CEP112: variants seen among roughly 807,000 people sequenced by gnomAD.
CEP112 encodes the protein centrosomal protein of 112 kDa.
CEP112 carries 127 observed loss-of-function variants against 153.0 expected under a neutral mutation model. The observed-to-expected ratio is 0.83, with a 90% CI of 0.72 to 0.96. The LOEUF (loss-of-function observed/expected upper bound fraction) is 0.96, where lower values mean the gene tolerates loss of function less well. Ranked by LOEUF, CEP112 falls within the 40% of genes least tolerant of loss-of-function variation. The pLI, the probability that CEP112 is intolerant of heterozygous loss-of-function variation, is 0.00. For missense variants in CEP112, 1,089 were observed against 1,101.2 expected (o/e 0.99, Z 0.16); for synonymous variants, 358 against 374.4 (o/e 0.96, Z 0.51).
At chr17:65,994,497 ATTG>A (rs890138788) in intron 17 of CEP112, among the ~76,000 whole-genome samples, 8 of 152,104 alleles carry the variant, frequency 5.3e-5, no homozygotes, top group South Asian at 2.1e-4. Context: ...GCCAGCTAAT[ATTG>A]TTGTTGTTTT....
intron 20 of CEP112, among the ~76,000 whole-genome samples, chr17:65,872,519 A>G (rs1422570418): frequency 6.6e-6 from 1 of 152,184 alleles, no homozygotes; most frequent in Non-Finnish European, 1.5e-5. Flanking sequence ...AATTTAAGAA[A>G]ACTTATTCAT....
At chr17:66,060,750 T>C (rs994795917) in intron 11 of CEP112, among the ~76,000 whole-genome samples, 1 of 151,764 alleles carries the variant, frequency 6.6e-6, no homozygotes, top group Non-Finnish European at 1.5e-5. Flanking sequence ...TACACAAAAA[T>C]CGACGCAAAA....
chr17:65,868,655 A>G (rs2146472733), intron 20 of CEP112, among the ~76,000 whole-genome samples: 1 of 152,324 alleles, frequency 6.6e-6, no homozygotes, highest in South Asian at 2.1e-4. Context: ...TTGTATCAGT[A>G]AAAAAGAATA....
intron 23 of CEP112, among the ~76,000 whole-genome samples, chr17:65,710,633 C>T (rs1267244694): frequency 1.3e-5 from 2 of 152,146 alleles, no homozygotes; most frequent in African/African-American, 2.4e-5. Flanking sequence ...CAGATACTTT[C>T]GTCACAAACC....
chr17:65,778,782 C>A (rs904882066), intron 21 of CEP112, among the ~76,000 whole-genome samples: 4 of 151,960 alleles, frequency 2.6e-5, no homozygotes, highest in African/African-American at 9.7e-5. Flanking sequence ...GTTATTTCTT[C>A]TAAGTGGAGA....
intron 4 of CEP112, among the ~76,000 whole-genome samples, chr17:66,139,025 A>G (rs2146594963): frequency 6.6e-6 from 1 of 152,172 alleles, no homozygotes; most frequent in East Asian, 1.9e-4. Context: ...TTATATTAAA[A>G]AAGAAAAAAA....
intron 9 of CEP112, among the ~76,000 whole-genome samples, chr17:66,069,139 G>A (rs917922345): frequency 6.6e-6 from 1 of 151,940 alleles, no homozygotes; most frequent in East Asian, 1.9e-4. Context: ...TCCTGATGCT[G>A]TAACTACTGC....
rs938015823 is a variant in CEP112, at chr17:65,975,862, T to A, written c.1737-14264A>T. ...CATGTGGAAAAGAAAGGTGATTATC[T>A]CCAGGGAAGGAGAGAGAAAAAACCC... On this transcript the variant is annotated intron_variant, in intron 17 of 26. Coordinates refer to ENST00000535342, the MANE Select transcript of CEP112 (RefSeq NM_001199165.4). 2.6e-5 allele frequency among the ~76,000 whole-genome samples: 4 copies of A among 152,170 alleles called. No individual in the cohort carries two copies. In the South Asian group the frequency reaches 8.3e-4, roughly 31 times the overall value.
At chr17:65,813,710 A>G (rs546673297) in intron 21 of CEP112, among the ~76,000 whole-genome samples, 1 of 152,346 alleles carries the variant, frequency 6.6e-6, no homozygotes, top group Admixed American at 6.5e-5. Context: ...TGCTTTACAC[A>G]TGGAAAGCAC....
chr17:65,642,591 C>T (rs548221485), intron 24 of CEP112, among the ~76,000 whole-genome samples: 2 of 152,278 alleles, frequency 1.3e-5, no homozygotes, highest in African/African-American at 4.8e-5. Context: ...CATGATCTCT[C>T]CCACAGATGC....
At chr17:66,186,140 A>C (rs756334170) in intron 1 of CEP112, among the ~76,000 whole-genome samples, 1 of 151,816 alleles carries the variant, frequency 6.6e-6, no homozygotes, top group East Asian at 1.9e-4. Flanking sequence ...CCATCCTGCC[A>C]CTTCCCAACT....
chr17:66,054,040 T>C (rs2066569288), intron 11 of CEP112, among the ~76,000 whole-genome samples, 161 bp from the exon 12 acceptor site: 1 of 152,142 alleles, frequency 6.6e-6, no homozygotes, highest in East Asian at 1.9e-4. Flanking sequence ...GGTAAAGATA[T>C]CATATAAAAA....
intron 18 of CEP112, among the ~76,000 whole-genome samples, chr17:65,951,434 C>A (rs9916415): frequency 0.094 from 14,271 of 151,982 alleles, 1,531 homozygotes; most frequent in African/African-American, 0.26. Flanking sequence ...ATTTTCTATT[C>A]TTGGGATAGT....
At chr17:65,736,725 G>C (rs914443131) in intron 23 of CEP112, among the ~76,000 whole-genome samples, 3 of 152,114 alleles carry the variant, frequency 2.0e-5, no homozygotes, top group Non-Finnish European at 2.9e-5. Context: ...AGATGTTCAC[G>C]GTCTTCTAAC....
At chr17:65,895,077 C>A (rs2059612534) in intron 20 of CEP112, among the ~76,000 whole-genome samples, 1 of 152,040 alleles carries the variant, frequency 6.6e-6, no homozygotes, top group Non-Finnish European at 1.5e-5. Flanking sequence ...AATTCAGAGA[C>A]AATGTGCTCA....
At chr17:66,028,226 A>AT in intron 15 of CEP112, 87 bp downstream of exon 15, 1 of 774,230 alleles carries the variant, frequency 1.3e-6, no homozygotes, top group South Asian at 1.9e-5. Context: ...TCTGAGTTTT[A>AT]TTTTTTTAAT....
At chr17:66,152,880 A>T (rs2071268546) in intron 4 of CEP112, among the ~76,000 whole-genome samples, 1 of 152,212 alleles carries the variant, frequency 6.6e-6, no homozygotes, top group Admixed American at 6.5e-5. Context: ...CTATTAGAAC[A>T]GACATTTCTT....
intron 11 of CEP112, among the ~76,000 whole-genome samples, chr17:66,057,281 A>G (rs1038136718): frequency 2.0e-5 from 3 of 152,180 alleles, no homozygotes; most frequent in Non-Finnish European, 2.9e-5. Context: ...TGAATAATTA[A>G]CAGAACTTGG....
chr17:65,716,127 T>C (rs1037370201), intron 23 of CEP112, among the ~76,000 whole-genome samples: 3 of 150,996 alleles, frequency 2.0e-5, no homozygotes, highest in African/African-American at 7.4e-5. Flanking sequence ...GCAGAGAATA[T>C]AGGCATAGCC....
Sources: gnomAD v4.1 joint callset for allele counts (sites outside exome capture counted in the v4.1 genomes callset) on GRCh38, gnomAD v4.1.1 for gene constraint, MANE v1.5 for transcripts, NCBI Gene and HGNC (gene_info 2026-07-23, HGNC 2026-07-21) for gene names.